Variants in TNS1 observed in about 807,000 individuals in gnomAD.
TNS1 encodes the protein tensin 1.
A neutral mutation model predicts 168.6 loss-of-function variants in TNS1; 62 were observed. That is an observed-to-expected ratio of 0.37 (90% CI 0.30 to 0.45). The LOEUF (loss-of-function observed/expected upper bound fraction) is 0.45, where lower values mean the gene tolerates loss of function less well. Ranked by LOEUF, TNS1 falls within the 20% of genes least tolerant of loss-of-function variation. TNS1 has a pLI of 1.00. For synonymous variants in TNS1, 934 were observed against 933.2 expected, an observed-to-expected ratio of 1.00 and a Z score of -0.02; for missense variants, 2,240 against 2,339.4, an observed-to-expected ratio of 0.96 and a Z score of 0.88.
upstream of TNS1, among the ~76,000 whole-genome samples, chr2:218,005,723 A>T (rs561309166): frequency 6.6e-5 from 10 of 152,166 alleles, no homozygotes; most frequent in South Asian, 2.1e-3. Flanking sequence ...CACTCAATCA[A>T]TTAGTCAATG....
intron 2 of TNS1, chr2:217,985,692 G>A (rs1958178540): frequency 6.6e-6 from 1 of 152,152 alleles, no homozygotes; most frequent in South Asian, 2.1e-4. Flanking sequence ...GAAGTGCTGG[G>A]ATTACAGACG....
At position 218,033,380 on chromosome 2, in the gene TNS1, G is replaced by T. The variant is rs1469542866; in HGVS notation, c.156+440C>A. 6.6e-6 allele frequency among the ~76,000 whole-genome samples: 1 copy of T among 152,144 alleles called. No individual in the cohort carries two copies. The highest frequency in any genetic ancestry group is 2.4e-5 in the African/African-American group (1 of 41,416). On this transcript the variant is annotated intron_variant, in intron 1 of 1. Transcript: ENST00000649572. The surrounding 1 kb of genome is among the most constrained non-coding windows in gnomAD (Gnocchi z 4.3). ...GCCAGCCTGTCCCCACCATCCTGGG[G>T]AAGTCCTTGCTCCAGTGGGGCCCCC...
At position 217,920,222 on chromosome 2, in the gene TNS1, G is replaced by A. The variant is rs1283774790; in HGVS notation, c.201C>T (p.Cys67=). 12 of 702,920 alleles carry A rather than the reference G, an allele frequency of 1.7e-5. No homozygotes were observed. Among genetic ancestry groups the A allele is most frequent in the African/African-American group, 7.0e-5 (4 of 57,248 alleles). The allele number at this position is 702,920 out of a possible 1,614,324, so 43.5% of individuals were successfully genotyped here. Reference sequence around the variant, plus strand: ...CCAGCTCATGGTTGGATGGAGGAACGCAGGGGGCAGCCACCTGTGGAAGGA... The same window carrying A: ...CCAGCTCATGGTTGGATGGAGGAACACAGGGGGCAGCCACCTGTGGAAGGA... ...RKCQAKVAAP[C]VPPSNHELVP... The change falls in exon 4 of 33, where the codon TGC becomes TGT. Residue 67 remains cysteine, a synonymous_variant. Coordinates refer to ENST00000682258, the MANE Select transcript of TNS1 (RefSeq NM_001387777.1).
intron 32 of TNS1, among the ~76,000 whole-genome samples, chr2:217,805,527 ACACACACCACACACACCAC>A (rs1938574410): frequency 3.8e-5 from 1 of 26,602 alleles, no homozygotes; most frequent in Non-Finnish European, 8.4e-5. Flanking sequence ...CACACACACC[ACACACACCACACACACCAC>A]CACACACCAC....
At chr2:217,978,417 C>A (rs993597947) in intron 3 of TNS1, among the ~76,000 whole-genome samples, 1 of 152,008 alleles carries the variant, frequency 6.6e-6, no homozygotes, top group African/African-American at 2.4e-5. Context: ...TGAAATGGAT[C>A]CCCTCCCCCT....
At chr2:218,004,581 C>G (rs895919372), upstream of TNS1, among the ~76,000 whole-genome samples, 3 of 152,238 alleles carry the variant, frequency 2.0e-5, no homozygotes, top group African/African-American at 7.2e-5. Context: ...TTCAGATACA[C>G]AGGTTGTCCA....
intron 1 of TNS1, among the ~76,000 whole-genome samples, chr2:218,029,836 T>C (rs928486314): frequency 6.6e-6 from 1 of 152,218 alleles, no homozygotes; most frequent in African/African-American, 2.4e-5. Context: ...GCCAAGTATG[T>C]GAGTACGTGC....
chr2:217,817,545 G>C (rs981114981), intron 24 of TNS1, 145 bp downstream of exon 24: 75 of 675,312 alleles, frequency 1.1e-4, no homozygotes, highest in Middle Eastern at 7.8e-4. Flanking sequence ...TCTTTATACG[G>C]ATAAAGAAAC....
At position 218,033,674 on chromosome 2, in the gene TNS1, C is replaced by G. The variant is rs1055256117; in HGVS notation, c.156+146G>C. Among the ~76,000 whole-genome samples, 5 of 152,188 alleles carry G rather than the reference C, an allele frequency of 3.3e-5. No homozygotes were observed. The highest frequency in any genetic ancestry group is 5.9e-5 in the Non-Finnish European group (4 of 68,030). On this transcript the variant is annotated intron_variant, in intron 1 of 1. Coordinates refer to the TNS1 transcript ENST00000649572. The surrounding 1 kb of genome is among the most constrained non-coding windows in gnomAD (Gnocchi z 4.3). Reference sequence around the variant, plus strand: ...CACCCGGTCGTGGTCCTTCCTCCCCCTTGGTCCACCTGCCTTGCCGCACTT... The same window carrying G: ...CACCCGGTCGTGGTCCTTCCTCCCCGTTGGTCCACCTGCCTTGCCGCACTT...
At position 218,001,156 on chromosome 2, in the gene TNS1, TA is replaced by T. The variant is rs559072712; in HGVS notation, c.33+1683del. ...TGACAGAGTGAGACTCCATCTCAAT[TA>T]AAAAAAAAATGAATAAATAAAAATA... On this transcript the variant is annotated intron_variant, in intron 1 of 32. Coordinates refer to ENST00000682258, the MANE Select transcript of TNS1 (RefSeq NM_001387777.1). 3.5e-3 allele frequency among the ~76,000 whole-genome samples: 494 copies of T among 142,812 alleles called. 5 individuals carry two copies. In the South Asian group the frequency reaches 0.054, roughly 16 times the overall value. The allele number at this position is 142,812 out of a possible 152,430, so 93.7% of individuals were successfully genotyped here. A position where few individuals can be genotyped will look rare whatever the true frequency, so the allele number is the denominator to read the frequency against.
chr2:217,845,908 G>A (rs1559590), intron 19 of TNS1, among the ~76,000 whole-genome samples: 60,854 of 151,910 alleles, frequency 0.4, 13,194 homozygotes, highest in African/African-American at 0.59. Flanking sequence ...TTAGACTAGC[G>A]TGTCACTAAT....
At chr2:217,809,380 G>GATGGATGCATGGATGGATGC (rs1940138362) in intron 30 of TNS1, among the ~76,000 whole-genome samples, 3 of 89,670 alleles carry the variant, frequency 3.3e-5, no homozygotes, top group South Asian at 3.4e-4. Context: ...TGGATGCATG[G>GATGGATGCATGGATGGATGC]ATGGATGGAT....
intron 4 of TNS1, among the ~76,000 whole-genome samples, chr2:217,919,089 T>C (rs534457605): frequency 3.3e-5 from 5 of 152,138 alleles, no homozygotes; most frequent in Non-Finnish European, 7.4e-5. Context: ...CCACCCTGAA[T>C]AGGGAGGGAG....
chr2:217,839,786 A>G (rs1051764147), intron 19 of TNS1, among the ~76,000 whole-genome samples: 3 of 152,138 alleles, frequency 2.0e-5, no homozygotes, highest in Non-Finnish European at 4.4e-5. Context: ...CCGATTTCCA[A>G]AAGACTGGAT....
intron 18 of TNS1, among the ~76,000 whole-genome samples, chr2:217,853,587 G>A (rs758044316): frequency 5.9e-5 from 9 of 152,092 alleles, no homozygotes; most frequent in Non-Finnish European, 1.0e-4. Context: ...AAGGTCCAGT[G>A]TCCTGCCCAT....
At chr2:217,947,515 G>C (rs970014920) in intron 3 of TNS1, among the ~76,000 whole-genome samples, 3 of 152,180 alleles carry the variant, frequency 2.0e-5, no homozygotes, top group African/African-American at 7.2e-5. Context: ...CCCAGAAGGA[G>C]GAAAGAGATG....
chr2:217,803,044 T>A lies in TNS1; in HGVS notation c.*1415A>T, dbSNP rs988684239. The stretch of plus-strand genomic sequence containing the variant: ...CCCTCTGCTGCATGGGCAGCGTGGC[T>A]CAGCTAGGGAAACCAAGGCAGAAAG... On this transcript the variant is annotated 3_prime_UTR_variant, in exon 33 of 33. Transcript: ENST00000682258. The A allele has an allele frequency of 3.3e-5, 5 of 152,604 alleles. No homozygotes were observed. The highest frequency in any genetic ancestry group is 9.7e-5 in the African/African-American group (4 of 41,450). 9.5% of individuals were successfully genotyped at this position (152,604 alleles called of 1,614,324 possible).
intron 18 of TNS1, chr2:217,859,093 CCAGCCCCAGTCCCAAACCCATGG>C: frequency 5.7e-6 from 1 of 175,494 alleles, no homozygotes. Context: ...GTAGCCCAGC[CCAGCCCCAGTCCCAAACCCATGG>C]CAGCCCCAGT....
intron 1 of TNS1, among the ~76,000 whole-genome samples, chr2:218,002,469 A>T (rs890618690): frequency 6.6e-6 from 1 of 150,974 alleles, no homozygotes; most frequent in African/African-American, 2.4e-5. Context: ...TCAGCAACTG[A>T]GGGGGGGCGG....
Sources: allele counts gnomAD v4.1 joint callset (sites outside exome capture counted in the v4.1 genomes callset), GRCh38; gene constraint gnomAD v4.1.1; non-coding constraint Gnocchi (gnomAD v3.1); transcripts MANE v1.5; gene names NCBI Gene and HGNC (gene_info 2026-07-23, HGNC 2026-07-21).